GPR158: variants seen among roughly 807,000 people sequenced by gnomAD.
GPR158 encodes G protein-coupled receptor 158.
A neutral mutation model predicts 78.2 loss-of-function variants in GPR158; 30 were observed. The ratio of observed to expected loss-of-function variants is 0.38; its 90% confidence interval spans 0.29 to 0.52. GPR158 has a LOEUF of 0.52. Among genes scored for constraint, GPR158 ranks in the 20% least tolerant of loss-of-function variants. The pLI is 0.83. For synonymous variants in GPR158, 581 were observed against 591.1 expected (o/e 0.98, Z 0.25); for missense variants, 1,463 against 1,523.5 (o/e 0.96, Z 0.66).
intron 7 of GPR158, among the ~76,000 whole-genome samples, chr10:25,585,610 C>A (rs1048430449): frequency 1.3e-5 from 2 of 152,164 alleles, no homozygotes; most frequent in African/African-American, 4.8e-5. Flanking sequence ...TACGATTTTT[C>A]CACCTGAAAT....
In GPR158 at chr10:25,379,976, C is replaced by A. The variant is rs200279176; in HGVS notation, c.1009-15935C>A. Among the ~76,000 whole-genome samples, 3 of 146,594 alleles carry A rather than the reference C, an allele frequency of 2.0e-5. No homozygotes were observed. In the East Asian group the frequency reaches 6.3e-4, roughly 31 times the overall value. Reference sequence around the variant, plus strand: ...TGCCTCTCCATAGGGTTTTTTTTTTCTTTTTTCTTTTGTATTTTATCCAGA... The same window carrying A: ...TGCCTCTCCATAGGGTTTTTTTTTTATTTTTTCTTTTGTATTTTATCCAGA... On this transcript the variant is annotated intron_variant, in intron 2 of 10. Transcript: ENST00000376351.
intron 5 of GPR158, among the ~76,000 whole-genome samples, chr10:25,493,935 AG>A (rs1835845078): frequency 6.6e-6 from 1 of 152,230 alleles, no homozygotes; most frequent in Non-Finnish European, 1.5e-5. Context: ...ATGGCTGCTT[AG>A]GGTGTTTAAA....
chr10:25,220,964 A>G (rs1433852320), intron 1 of GPR158, 88 bp from the exon 2 acceptor site: 3 of 803,244 alleles, frequency 3.7e-6, no homozygotes, highest in African/African-American at 1.7e-5. Context: ...CATGTTCTTT[A>G]TGATAATTTT....
At chr10:25,592,394 G>A (rs1206737109) in intron 8 of GPR158, among the ~76,000 whole-genome samples, 1 of 151,806 alleles carries the variant, frequency 6.6e-6, no homozygotes, top group Non-Finnish European at 1.5e-5. Context: ...GCAAATCTTT[G>A]GGAAAGCACA....
At chr10:25,574,884 C>T (rs560480400) in intron 7 of GPR158, among the ~76,000 whole-genome samples, 2 of 151,776 alleles carry the variant, frequency 1.3e-5, no homozygotes, top group South Asian at 4.2e-4. Context: ...GACTTTGTCT[C>T]AAAGAAATAA....
At chr10:25,433,593 A>G (rs1344337791) in intron 4 of GPR158, among the ~76,000 whole-genome samples, 1 of 150,592 alleles carries the variant, frequency 6.6e-6, no homozygotes, top group African/African-American at 2.4e-5. Context: ...GCGCGTGCGC[A>G]TATATGAATG....
intron 4 of GPR158, among the ~76,000 whole-genome samples, chr10:25,416,120 C>G (rs765919623): frequency 6.6e-6 from 1 of 152,114 alleles, no homozygotes; most frequent in African/African-American, 2.4e-5. Flanking sequence ...ATACCTTACA[C>G]TTAGTCTTCA....
chr10:25,405,498 C>CTTTTCTTT (rs1834500752), intron 3 of GPR158, among the ~76,000 whole-genome samples: 1 of 45,522 alleles, frequency 2.2e-5, no homozygotes, highest in African/African-American at 7.4e-5. Context: ...AAACAATTTC[C>CTTTTCTTT]TTTTTTTTTT....
chr10:25,235,075 C>T (rs1040606525), intron 2 of GPR158, among the ~76,000 whole-genome samples: 3 of 152,104 alleles, frequency 2.0e-5, no homozygotes, highest in African/African-American at 7.2e-5. Flanking sequence ...TATTTTGTTA[C>T]CCTTGCCACA....
intron 2 of GPR158, among the ~76,000 whole-genome samples, chr10:25,339,653 C>T (rs977144326): frequency 6.6e-6 from 1 of 152,106 alleles, no homozygotes; most frequent in Middle Eastern, 3.4e-3. Flanking sequence ...TGTAGATAAT[C>T]CTTATTATAT....
chr10:25,466,719 A>G lies in GPR158; in HGVS notation c.1404A>G (p.Pro468=), dbSNP rs1835428769. The G allele has an allele frequency of 1.9e-6, 3 of 1,563,002 alleles. No individual in the cohort carries two copies. The highest frequency in any genetic ancestry group is 1.4e-5 in the African/African-American group (1 of 72,952). ...TTGGATCTCTGCTCCTATACTTTCC[A>G]GTAAGTAACAGAATTTTGTTTTTAA... ...ILFGSLLLYF[P]VVILYFEPST... is the part of the protein sequence containing the mutation. The change falls in exon 5 of 11, where the codon CCA becomes CCG. Residue 468 remains proline (P), a splice_region_variant and synonymous_variant. Coordinates refer to ENST00000376351, the MANE Select transcript of GPR158 (RefSeq NM_020752.3).
rs115107120 is a variant in GPR158 at position 25,200,051 on chromosome 10, A to G, written c.903-21001A>G. Among the ~76,000 whole-genome samples the G allele has an allele frequency of 2.9e-3, 445 of 152,298 alleles. 4 individuals are homozygous for G. Among genetic ancestry groups the G allele is most frequent in the African/African-American group, 0.01 (434 of 41,562 alleles). ...TTCCCAATAATGGGACTGCTTGGTC[A>G]AATGGCATTTTTGTTTTAAGTGTTT... On this transcript the variant is annotated intron_variant, in intron 1 of 10. Coordinates refer to ENST00000376351, the MANE Select transcript of GPR158 (RefSeq NM_020752.3).
At chr10:25,217,024 T>C (rs1371122575) in intron 1 of GPR158, among the ~76,000 whole-genome samples, 1 of 152,208 alleles carries the variant, frequency 6.6e-6, no homozygotes. Flanking sequence ...TGGGTTTATA[T>C]GTTTCAAATA....
intron 2 of GPR158, among the ~76,000 whole-genome samples, chr10:25,316,901 GTGTGTGTGTT>G (rs376214152): frequency 0.021 from 2,309 of 111,074 alleles, 64 homozygotes; most frequent in African/African-American, 0.11. Context: ...GTGTGTGTGT[GTGTGTGTGTT>G]TATGTGTGTG....
chr10:25,435,603 C>G (rs1382591342), intron 4 of GPR158, among the ~76,000 whole-genome samples: 1 of 152,182 alleles, frequency 6.6e-6, no homozygotes, highest in East Asian at 1.9e-4. Flanking sequence ...AGGACTCAGT[C>G]ATCCAGAGGC....
intron 4 of GPR158, among the ~76,000 whole-genome samples, chr10:25,413,739 G>C (rs1316291418): frequency 6.6e-6 from 1 of 152,182 alleles, no homozygotes; most frequent in African/African-American, 2.4e-5. Context: ...GATTCTAGGA[G>C]ATTGTATTCA....
chr10:25,375,202 T>C (rs1834059442), intron 2 of GPR158, among the ~76,000 whole-genome samples: 4 of 151,698 alleles, frequency 2.6e-5, no homozygotes, highest in Admixed American at 2.0e-4. Context: ...TGAATGTTTA[T>C]GTCCTTTGCG....
chr10:25,575,925 T>C (rs1588919970), intron 7 of GPR158, among the ~76,000 whole-genome samples: 1 of 152,164 alleles, frequency 6.6e-6, no homozygotes, highest in African/African-American at 2.4e-5. Context: ...CACCACAACC[T>C]GTGCCAGACT....
Position 25,576,765 on chromosome 10 carries a change from A to AT in GPR158, c.1753+3880dup, listed in dbSNP as rs146478917. ...AAGTATCAAAACTTAAGAAGCAGAA[A>AT]TTAAACTAATACCCCTAAAGGTGTT... On this transcript the variant is annotated intron_variant, in intron 7 of 10. Coordinates refer to ENST00000376351, the MANE Select transcript of GPR158 (RefSeq NM_020752.3). Among the ~76,000 whole-genome samples, 552 of 152,268 alleles carry AT rather than the reference A, an allele frequency of 3.6e-3. 3 individuals are homozygous for AT. The highest frequency in any genetic ancestry group is 0.013 in the African/African-American group (538 of 41,538).
Sources: gnomAD v4.1 joint callset for allele counts (sites outside exome capture counted in the v4.1 genomes callset) on GRCh38, gnomAD v4.1.1 for gene constraint, MANE v1.5 for transcripts, NCBI Gene and HGNC (gene_info 2026-07-23, HGNC 2026-07-21) for gene names.